Variants in COG5 observed in about 807,000 individuals in gnomAD.
COG5 encodes component of oligomeric golgi complex 5, also known as conserved oligomeric Golgi complex subunit 5.
COG5 carries 86 observed loss-of-function variants against 110.4 expected under a neutral mutation model. The ratio of observed to expected loss-of-function variants is 0.78; its 90% CI spans 0.65 to 0.93. The LOEUF is 0.93. COG5 is among the 40% of genes least tolerant of loss of function. The pLI is 0.00. For missense variants in COG5, 1,077 were observed against 987.0 expected (o/e 1.09, Z -1.22); for synonymous variants, 360 against 334.6 (o/e 1.08, Z -0.83).
chr7:107,511,464 G>A (rs1208874302), intron 6 of COG5, among the ~76,000 whole-genome samples: 9 of 152,148 alleles, frequency 5.9e-5, no homozygotes, highest in Non-Finnish European at 1.3e-4. Flanking sequence ...TCTACCAGAC[G>A]TACAAGGAGG....
chr7:107,373,960 T>C (rs1215300166), intron 7 of COG5, among the ~76,000 whole-genome samples: 1 of 152,110 alleles, frequency 6.6e-6, no homozygotes, highest in African/African-American at 2.4e-5. Flanking sequence ...AGAGGCAAAG[T>C]AGACTCAGCT....
chr7:107,300,335 CTAAGTAAA>C (rs1807154205), intron 11 of COG5, among the ~76,000 whole-genome samples: 2 of 151,966 alleles, frequency 1.3e-5, no homozygotes, highest in African/African-American at 4.8e-5. Context: ...GCAATGAGGC[CTAAGTAAA>C]TAAGTAAATA....
intron 3 of COG5, among the ~76,000 whole-genome samples, chr7:107,549,431 G>A (rs1009509198): frequency 2.0e-5 from 3 of 151,800 alleles, no homozygotes; most frequent in Non-Finnish European, 4.4e-5. Context: ...TCGCTCTGTC[G>A]CCCAGGCTGG....
intron 5 of COG5, 29 bp downstream of exon 5, chr7:107,548,082 A>C (rs1305987025): frequency 3.2e-6 from 5 of 1,569,560 alleles, no homozygotes; most frequent in Non-Finnish European, 4.4e-6. Context: ...TGAATAATAA[A>C]GTATAAAGAA....
chr7:107,203,419 TAAAATAG>T lies in COG5; in HGVS notation c.*90_*96del, dbSNP rs1798503269. 2 of 824,304 alleles carry T rather than the reference TAAAATAG, an allele frequency of 2.4e-6. No homozygotes were observed. The highest frequency in any genetic ancestry group is 4.3e-6 in the Non-Finnish European group (2 of 468,364). 51.1% of individuals were successfully genotyped at this position (824,304 alleles called of 1,614,324 possible). A position where few individuals can be genotyped will look rare whatever the true frequency, so the allele number is the denominator to read the frequency against. On this transcript the variant is annotated 3_prime_UTR_variant, in exon 22 of 22. Transcript: ENST00000297135. ...AATACCGAACAATCAATTACATTCT[TAAAATAG>T]TAGATAGTAGCAGTCTTTTGGAGTA...
intron 10 of COG5, among the ~76,000 whole-genome samples, chr7:107,353,373 C>A (rs796107398): frequency 9.1e-5 from 13 of 142,554 alleles, no homozygotes; most frequent in Non-Finnish European, 1.5e-5. Context: ...TGCAGTGAGC[C>A]GAGATCCCGC....
At chr7:107,203,897 G>C (rs1192444878) in intron 21 of COG5, among the ~76,000 whole-genome samples, 1 of 152,070 alleles carries the variant, frequency 6.6e-6, no homozygotes, top group Admixed American at 6.5e-5. Context: ...GGAGTCCTCT[G>C]GCTGTGTAAA....
intron 6 of COG5, among the ~76,000 whole-genome samples, chr7:107,512,577 C>A (rs7806163): frequency 0.27 from 40,724 of 151,544 alleles, 5,403 homozygotes; most frequent in East Asian, 0.33. Context: ...AAAAAAGAGC[C>A]CACATTGCCA....
chr7:107,540,783 C>A (rs950257773), intron 5 of COG5, among the ~76,000 whole-genome samples: 10 of 151,576 alleles, frequency 6.6e-5, no homozygotes, highest in African/African-American at 2.4e-4. Flanking sequence ...ACACATAAAA[C>A]CCATAACAAG....
At chr7:107,417,733 T>C (rs1014422684) in intron 6 of COG5, among the ~76,000 whole-genome samples, 3 of 152,154 alleles carry the variant, frequency 2.0e-5, no homozygotes, top group African/African-American at 7.2e-5. Context: ...ATATTATATA[T>C]GCTTCTATAA....
rs560556882 is a variant in COG5 at position 107,249,862 on chromosome 7, C to T, written c.1750-1363G>A. 1.8e-3 allele frequency among the ~76,000 whole-genome samples: 269 copies of T among 151,964 alleles called. 2 individuals are homozygous for T. Among genetic ancestry groups the T allele is most frequent in the Non-Finnish European group, 3.1e-3 (208 of 67,996 alleles). ...TGTCCAGTGAGCACCTTCCTTTGAG[C>T]GTCATGTTGACACTAAAAAAGTTTC... On this transcript the variant is annotated intron_variant, in intron 16 of 21. Transcript: ENST00000297135.
At chr7:107,454,273 G>A (rs769672768) in intron 6 of COG5, among the ~76,000 whole-genome samples, 4 of 152,104 alleles carry the variant, frequency 2.6e-5, no homozygotes, top group Non-Finnish European at 5.9e-5. Context: ...AAAATGATAT[G>A]AAATCTGAAA....
chr7:107,204,330 TA>T (rs1476604678), intron 21 of COG5, among the ~76,000 whole-genome samples: 1 of 152,188 alleles, frequency 6.6e-6, no homozygotes. Flanking sequence ...CAGAGTTGAA[TA>T]GTTGAGGCAG....
chr7:107,416,851 C>A (rs2129070552), intron 6 of COG5, among the ~76,000 whole-genome samples: 1 of 152,234 alleles, frequency 6.6e-6, no homozygotes, highest in East Asian at 1.9e-4. Context: ...AGATTATTAA[C>A]TGGTAACTGG....
At chr7:107,342,973 C>T (rs2214679) in intron 10 of COG5, among the ~76,000 whole-genome samples, 96,183 of 152,018 alleles carry the variant, frequency 0.63, 32,726 homozygotes, top group African/African-American at 0.91. Context: ...AACCTAGGTG[C>T]CCATCAATAG....
At chr7:107,425,496 G>A (rs1332976863) in intron 6 of COG5, among the ~76,000 whole-genome samples, 3 of 148,690 alleles carry the variant, frequency 2.0e-5, no homozygotes, top group African/African-American at 5.0e-5. Flanking sequence ...TTCTATTTCT[G>A]AATTTTACTA....
At chr7:107,411,319 A>G (rs1792276672) in intron 7 of COG5, among the ~76,000 whole-genome samples, 1 of 151,926 alleles carries the variant, frequency 6.6e-6, no homozygotes, top group Non-Finnish European at 1.5e-5. Context: ...AAAAAAAGGT[A>G]TCTTCTCTTA....
At chr7:107,394,736 G>C (rs947606528) in intron 7 of COG5, among the ~76,000 whole-genome samples, 6 of 152,152 alleles carry the variant, frequency 3.9e-5, no homozygotes, top group Admixed American at 2.0e-4. Flanking sequence ...AAAAGTGACA[G>C]AATTTGATGA....
At chr7:107,501,855 A>G (rs1022201136) in intron 6 of COG5, among the ~76,000 whole-genome samples, 2 of 152,134 alleles carry the variant, frequency 1.3e-5, no homozygotes, top group African/African-American at 4.8e-5. Context: ...GTACAAACAG[A>G]AAATCTTTAT....
Sources: allele counts gnomAD v4.1 joint callset (sites outside exome capture counted in the v4.1 genomes callset), GRCh38; gene constraint gnomAD v4.1.1; transcripts MANE v1.5; gene names NCBI Gene and HGNC (gene_info 2026-07-23, HGNC 2026-07-21).